Variants in TMIGD1 observed in about 807,000 individuals in gnomAD.
TMIGD1 encodes the protein transmembrane and immunoglobulin domain-containing protein 1.
A neutral mutation model predicts 27.5 loss-of-function variants in TMIGD1; 29 were observed. The ratio of observed to expected loss-of-function variants is 1.05; its 90% CI spans 0.78 to 1.44. TMIGD1 has a LOEUF of 1.44. Among genes scored for constraint, TMIGD1 ranks in the 40% most tolerant of loss-of-function variants. The probability of loss-of-function intolerance (pLI) is 0.00; values close to 1 mark genes in which losing one functional copy is unlikely to be tolerated. For synonymous variants in TMIGD1, 109 were observed against 110.3 expected (o/e 0.99, Z 0.07); for missense variants, 334 against 310.6 (o/e 1.08, Z -0.57).
chr17:30,318,082 A>T (rs1391695470), intron 5 of TMIGD1, among the ~76,000 whole-genome samples: 1 of 152,188 alleles, frequency 6.6e-6, no homozygotes, highest in Non-Finnish European at 1.5e-5. Flanking sequence ...AAATAAAAAA[A>T]GAAAGAAAGG....
intron 4 of TMIGD1, among the ~76,000 whole-genome samples, chr17:30,321,460 G>A (rs1264847882): frequency 6.6e-6 from 1 of 152,242 alleles, no homozygotes; most frequent in East Asian, 1.9e-4. Flanking sequence ...AATTGAGCAT[G>A]TGCTATTTAT....
chr17:30,327,469 T>C (rs1909822696), intron 3 of TMIGD1, among the ~76,000 whole-genome samples: 1 of 152,122 alleles, frequency 6.6e-6, no homozygotes, highest in Non-Finnish European at 1.5e-5. Flanking sequence ...GTTAGAAGCT[T>C]GGGAATTAGT....
At chr17:30,318,119 A>G (rs71372216) in intron 5 of TMIGD1, among the ~76,000 whole-genome samples, 33 of 152,158 alleles carry the variant, frequency 2.2e-4, no homozygotes, top group Non-Finnish European at 3.8e-4. Flanking sequence ...AAGAAAAGAA[A>G]CAACAACAAC....
chr17:30,325,419 GAATT>G, intron 3 of TMIGD1, among the ~76,000 whole-genome samples: 1 of 152,120 alleles, frequency 6.6e-6, no homozygotes, highest in Non-Finnish European at 1.5e-5. Flanking sequence ...TCTTCTCTGA[GAATT>G]AATAAACCAA....
chr17:30,328,958 G>C (rs1909877878), intron 3 of TMIGD1, among the ~76,000 whole-genome samples: 1 of 118,060 alleles, frequency 8.5e-6, no homozygotes, highest in East Asian at 2.3e-4. Context: ...AACAGAGCGA[G>C]ACTCTGTCTC....
chr17:30,332,464 T>C (rs975381428), intron 1 of TMIGD1, among the ~76,000 whole-genome samples: 2 of 152,244 alleles, frequency 1.3e-5, no homozygotes, highest in South Asian at 4.1e-4. Context: ...AATTTCATTT[T>C]AGCAGAATGA....
At chr17:30,319,131 C>T (rs1304660908) in intron 4 of TMIGD1, among the ~76,000 whole-genome samples, 1 of 150,446 alleles carries the variant, frequency 6.6e-6, no homozygotes, top group East Asian at 1.9e-4. Context: ...AGGCCGGGTG[C>T]AGTGGCTCAT....
At chr17:30,331,681 TG>T (rs1423025642) in intron 2 of TMIGD1, among the ~76,000 whole-genome samples, 2 of 150,900 alleles carry the variant, frequency 1.3e-5, no homozygotes. Context: ...CTCCACCTCC[TG>T]GGTTCACGCC....
intron 1 of TMIGD1, among the ~76,000 whole-genome samples, chr17:30,333,504 G>A (rs1910049944): frequency 6.6e-6 from 1 of 151,546 alleles, no homozygotes; most frequent in Admixed American, 6.6e-5. Flanking sequence ...CCAGTCCCTG[G>A]CCACTGGGAG....
chr17:30,329,892 G>A (rs926405184), intron 2 of TMIGD1, among the ~76,000 whole-genome samples: 2 of 150,524 alleles, frequency 1.3e-5, no homozygotes, highest in East Asian at 3.9e-4. Context: ...GTAACATAGT[G>A]AGACTCCGTC....
intron 4 of TMIGD1, among the ~76,000 whole-genome samples, chr17:30,320,448 GA>G (rs1342127413): frequency 1.3e-5 from 2 of 152,252 alleles, no homozygotes; most frequent in East Asian, 3.9e-4. Flanking sequence ...CCCAAGATAT[GA>G]AAAGAAAGTA....
rs183825476 is a variant in TMIGD1 at position 30,333,032 on chromosome 17, C to G, written c.-25-874G>C. Among the ~76,000 whole-genome samples the G allele has an allele frequency of 2.4e-4, 36 of 152,168 alleles. No individual in the cohort carries two copies. The East Asian group carries it at 6.4e-3, about 27-fold the overall frequency. On this transcript the variant is annotated intron_variant, in intron 1 of 6. Transcript: ENST00000328886. ...TCCCACAGACAGTAAATGTCAAGGT[C>G]GGGATTTGAACCCAGACTCCCAAGA...
chr17:30,326,540 T>G (rs924579794), intron 3 of TMIGD1, among the ~76,000 whole-genome samples: 2 of 152,218 alleles, frequency 1.3e-5, no homozygotes, highest in African/African-American at 2.4e-5. Flanking sequence ...AACTTGCATG[T>G]TTTTGAGATA....
chr17:30,317,352 C>T, intron 5 of TMIGD1, 119 bp from the exon 6 acceptor site: 1 of 1,073,234 alleles, frequency 9.3e-7, no homozygotes, highest in South Asian at 1.3e-5. Flanking sequence ...TGCACTGGCT[C>T]AGGCGTCATT....
At chr17:30,329,796 A>C (rs925302382) in intron 2 of TMIGD1, among the ~76,000 whole-genome samples, 10 of 152,236 alleles carry the variant, frequency 6.6e-5, no homozygotes, top group Admixed American at 5.9e-4. Context: ...GTACTGATGT[A>C]GCTGGGTGCT....
At chr17:30,325,184 G>A in intron 3 of TMIGD1, 90 bp from the exon 4 acceptor site, 5 of 1,401,586 alleles carry the variant, frequency 3.6e-6, no homozygotes, top group Non-Finnish European at 4.8e-6. Context: ...ATCTCATGTG[G>A]TCATTTATTC....
intron 4 of TMIGD1, among the ~76,000 whole-genome samples, chr17:30,321,139 T>A (rs1909607394): frequency 6.6e-6 from 1 of 151,672 alleles, no homozygotes; most frequent in African/African-American, 2.4e-5. Context: ...ATTATAGGTG[T>A]GAGCCACCAT....
chr17:30,327,343 G>C (rs1367904068), intron 3 of TMIGD1, among the ~76,000 whole-genome samples: 1 of 151,988 alleles, frequency 6.6e-6, no homozygotes, highest in Non-Finnish European at 1.5e-5. Context: ...CTTGAGCCTG[G>C]GAGGCAGAGG....
At chr17:30,332,298 T>A in intron 1 of TMIGD1, 140 bp from the exon 2 acceptor site, 1 of 533,952 alleles carries the variant, frequency 1.9e-6, no homozygotes, top group Non-Finnish European at 3.3e-6. Context: ...AGCTTTTAAT[T>A]AAACAACCCT....
Sources: gnomAD v4.1 joint callset for allele counts (sites outside exome capture counted in the v4.1 genomes callset) on GRCh38, gnomAD v4.1.1 for gene constraint, MANE v1.5 for transcripts, NCBI Gene and HGNC (gene_info 2026-07-23, HGNC 2026-07-21) for gene names.